Variants in SNX25 observed in about 807,000 individuals in gnomAD.
SNX25 encodes sorting nexin 25, also known as sorting nexin-25.
Under a neutral mutation model 113.7 loss-of-function variants are expected in SNX25, and 62 were observed. The observed-to-expected ratio is 0.55, with a 90% CI of 0.44 to 0.67. The LOEUF (loss-of-function observed/expected upper bound fraction) is 0.67. Among genes scored for constraint, SNX25 ranks in the 30% least tolerant of loss-of-function variants. SNX25 has a pLI of 0.00. For missense variants in SNX25, 1,014 were observed against 1,161.0 expected, an observed-to-expected ratio of 0.87 and a Z score of 1.84; for synonymous variants, 421 against 436.2, an observed-to-expected ratio of 0.97 and a Z score of 0.43.
chr4:185,247,888 T>C (rs1044646230), intron 2 of SNX25, among the ~76,000 whole-genome samples: 3 of 152,212 alleles, frequency 2.0e-5, no homozygotes, highest in Non-Finnish European at 2.9e-5. Context: ...AGTGTACTTT[T>C]AAATATTAAA....
intron 1 of SNX25, among the ~76,000 whole-genome samples, chr4:185,231,982 G>C (rs2126412530): frequency 6.6e-6 from 1 of 152,198 alleles, no homozygotes; most frequent in African/African-American, 2.4e-5. Context: ...GCTAGGTGTG[G>C]GGCCCAGCTT....
chr4:185,368,790 G>GT (rs1199659402), downstream of SNX25, among the ~76,000 whole-genome samples: 81 of 137,298 alleles, frequency 5.9e-4, 1 homozygote, highest in African/African-American at 2.2e-3. Flanking sequence ...ATTGGAATCT[G>GT]TTTTGTTTTT....
chr4:185,238,583 C>A (rs982577650), intron 1 of SNX25, among the ~76,000 whole-genome samples: 1 of 152,072 alleles, frequency 6.6e-6, no homozygotes, highest in South Asian at 2.1e-4. Context: ...GTCATGAGAT[C>A]CCAGTAGATT....
At chr4:185,259,467 C>T (rs994072930) in intron 3 of SNX25, among the ~76,000 whole-genome samples, 58 of 152,130 alleles carry the variant, frequency 3.8e-4, no homozygotes, top group African/African-American at 1.3e-3. Context: ...AGCTCTGTTG[C>T]ATCACAATAT....
rs1311896945 is a variant in SNX25, at chr4:185,224,465, A to AAATATATC, written c.429+14217_429+14218insCAATATAT. On this transcript the variant is annotated intron_variant, in intron 1 of 18. Coordinates refer to ENST00000652585, the MANE Select transcript of SNX25 (RefSeq NM_001378034.2). ...TATATAAATATATATATAGATATAT[A>AAATATATC]AATATATAAATATATAGATATATAA... 1.2e-4 allele frequency among the ~76,000 whole-genome samples: 13 copies of AAATATATC among 105,492 alleles called. 1 individual carries two copies. Among genetic ancestry groups the AAATATATC allele is most frequent in the Non-Finnish European group, 2.5e-4 (12 of 48,508 alleles). 69.2% of individuals were successfully genotyped at this position (105,492 alleles called of 152,430 possible).
At chr4:185,371,006 G>A, downstream of SNX25, 1 of 548,746 alleles carries the variant, frequency 1.8e-6, no homozygotes, top group Non-Finnish European at 3.2e-6. Context: ...TCCCAGAGTG[G>A]TGACTTCACA....
chr4:185,226,868 A>G (rs1741076631), intron 1 of SNX25, among the ~76,000 whole-genome samples: 1 of 144,014 alleles, frequency 6.9e-6, no homozygotes. Context: ...AACATGACTG[A>G]TTCCTGTATC....
chr4:185,218,797 T>A (rs1739314041), intron 1 of SNX25, among the ~76,000 whole-genome samples: 1 of 152,144 alleles, frequency 6.6e-6, no homozygotes, highest in African/African-American at 2.4e-5. Context: ...AGATAAATAT[T>A]TTACAAATAC....
At chr4:185,277,286 G>A (rs1749846026) in intron 5 of SNX25, among the ~76,000 whole-genome samples, 1 of 152,214 alleles carries the variant, frequency 6.6e-6, no homozygotes, top group South Asian at 2.1e-4. Context: ...GTCTCCCAAA[G>A]TGCTGGGATT....
chr4:185,329,384 C>A (rs1316108232), intron 9 of SNX25, among the ~76,000 whole-genome samples: 1 of 151,956 alleles, frequency 6.6e-6, no homozygotes, highest in African/African-American at 2.4e-5. Flanking sequence ...TGAGAAGAGG[C>A]CGAGGGTGTC....
chr4:185,215,794 T>C (rs1325253178), intron 1 of SNX25, among the ~76,000 whole-genome samples: 1 of 136,766 alleles, frequency 7.3e-6, no homozygotes, highest in Non-Finnish European at 1.6e-5. Flanking sequence ...TTTAAATTCT[T>C]TTTTTTTTTT....
chr4:185,297,247 G>C (rs1752964975), intron 6 of SNX25, among the ~76,000 whole-genome samples: 1 of 152,148 alleles, frequency 6.6e-6, no homozygotes, highest in Non-Finnish European at 1.5e-5. Flanking sequence ...AGTTACATCA[G>C]CCACATTTCA....
At chr4:185,291,166 GA>G (rs34903041) in intron 6 of SNX25, among the ~76,000 whole-genome samples, 69,052 of 151,906 alleles carry the variant, frequency 0.45, 15,799 homozygotes, top group East Asian at 0.55. Flanking sequence ...ACATTCCTTA[GA>G]AAAAAAGATT....
chr4:185,376,253 T>C, the SNX25 span, among the ~76,000 whole-genome samples: 2 of 152,116 alleles, frequency 1.3e-5, no homozygotes, highest in African/African-American at 2.4e-5. Context: ...CTTCAATTAT[T>C]ATTAATATGA....
At chr4:185,343,366 A>G (rs145815284) in intron 12 of SNX25, among the ~76,000 whole-genome samples, 21 of 152,352 alleles carry the variant, frequency 1.4e-4, no homozygotes, top group African/African-American at 5.0e-4. Flanking sequence ...TAGTAGCAGT[A>G]GTAATGAGCA....
intron 15 of SNX25, among the ~76,000 whole-genome samples, chr4:185,355,000 G>A (rs1464980140): frequency 6.6e-6 from 1 of 152,246 alleles, no homozygotes; most frequent in South Asian, 2.1e-4. Context: ...TGAGACAAAG[G>A]AGTAGGCTAC....
At chr4:185,319,570 T>C (rs1217300268) in intron 7 of SNX25, among the ~76,000 whole-genome samples, 1 of 152,028 alleles carries the variant, frequency 6.6e-6, no homozygotes, top group African/African-American at 2.4e-5. Flanking sequence ...AAAGTCATCT[T>C]TGGAGAAAGG....
intron 12 of SNX25, among the ~76,000 whole-genome samples, chr4:185,343,171 G>A (rs888933965): frequency 9.9e-5 from 15 of 152,208 alleles, no homozygotes; most frequent in Non-Finnish European, 1.6e-4. Context: ...GATTATAGAT[G>A]TGAGCCACCT....
At chr4:185,247,168 A>T (rs1744975823) in intron 1 of SNX25, 126 bp from the exon 2 acceptor site, 3 of 622,656 alleles carry the variant, frequency 4.8e-6, no homozygotes, top group Non-Finnish European at 8.2e-6. Context: ...TTGTGGAAAA[A>T]CTTCTGTTAT....
Sources: gnomAD v4.1 joint callset for allele counts (sites outside exome capture counted in the v4.1 genomes callset) on GRCh38, gnomAD v4.1.1 for gene constraint, MANE v1.5 for transcripts, NCBI Gene and HGNC (gene_info 2026-07-23, HGNC 2026-07-21) for gene names.